Variants in SIRT6 observed in about 807,000 individuals in gnomAD.
SIRT6 encodes the protein NAD-dependent protein deacylase sirtuin-6.
In SIRT6, 21 loss-of-function variants were observed where a neutral mutation model predicts 33.6. The ratio of observed to expected loss-of-function variants is 0.62; its 90% confidence interval spans 0.44 to 0.90. SIRT6 has a LOEUF of 0.90. Among genes scored for constraint, SIRT6 ranks in the 40% least tolerant of loss-of-function variants. SIRT6 has a pLI of 0.00. For synonymous variants in SIRT6, 221 were observed against 223.9 expected, an observed-to-expected ratio of 0.99 and a Z score of 0.12; for missense variants, 504 against 510.6, an observed-to-expected ratio of 0.99 and a Z score of 0.12.
At position 4,174,860 on chromosome 19, in the gene SIRT6, G is replaced by A; in HGVS notation, c.825C>T (p.Ala275=). The A allele has an allele frequency of 6.2e-7, 1 of 1,600,260 alleles. No individual in the cohort carries two copies. Among genetic ancestry groups the A allele is most frequent in the Non-Finnish European group, 8.5e-7 (1 of 1,179,412 alleles). The change falls in exon 8 of 8, where the codon GCC becomes GCT. Residue 275 remains alanine, a synonymous_variant. Transcript: ENST00000337491. The surrounding 1 kb of genome is among the most constrained non-coding windows in gnomAD (Gnocchi z 4.2). ...TCTCCAGCACACGGGGGCCGTCCCA[G>A]GCGGGGATCTCCAGCCCCAGGTGCT... The part of the protein sequence containing the change: ...LMKHLGLEIP[A]WDGPRVLERA...
intron 1 of SIRT6, chr19:4,182,271 C>T: frequency 1.8e-6 from 1 of 557,508 alleles, no homozygotes; most frequent in East Asian, 3.3e-5. Context: ...CCCGATCAGC[C>T]CCGACAGGGT....
In SIRT6 at chr19:4,174,533, C is replaced by G. The variant is rs774914120; in HGVS notation, c.*84G>C. 3 of 1,272,220 alleles carry G rather than the reference C, an allele frequency of 2.4e-6. No homozygotes were observed. Among genetic ancestry groups the G allele is most frequent in the Non-Finnish European group, 3.1e-6 (3 of 965,466 alleles). 78.8% of individuals were successfully genotyped at this position (1,272,220 alleles called of 1,614,324 possible). ...CTCAGAGCCCTGAGGCTCCCGGGGACAGAAACAAGTAACAAAGTGAGACCA... is the reference window on the plus strand; with the variant it reads ...CTCAGAGCCCTGAGGCTCCCGGGGAGAGAAACAAGTAACAAAGTGAGACCA... On this transcript the variant is annotated 3_prime_UTR_variant, in exon 8 of 8. Coordinates refer to ENST00000337491, the MANE Select transcript of SIRT6 (RefSeq NM_016539.4). The surrounding 1 kb of genome is among the most constrained non-coding windows in gnomAD (Gnocchi z 4.2).
chr19:4,177,615 C>T (rs1268946587), intron 3 of SIRT6, among the ~76,000 whole-genome samples: 1 of 152,104 alleles, frequency 6.6e-6, no homozygotes, highest in African/African-American at 2.4e-5. Flanking sequence ...GGTTGGAGTG[C>T]AATGGTGCAA....
chr19:4,174,643 C>T lies in SIRT6; in HGVS notation c.1042G>A (p.Val348Met). The T allele has an allele frequency of 2.8e-6, 4 of 1,449,414 alleles. No homozygotes were observed. The highest frequency in any genetic ancestry group is 3.6e-6 in the Non-Finnish European group (4 of 1,098,238). The allele number at this position is 1,449,414 out of a possible 1,614,324, so 89.8% of individuals were successfully genotyped here. A position where few individuals can be genotyped will look rare whatever the true frequency, so the allele number is the denominator to read the frequency against. The change falls in exon 8 of 8, where the codon GTG becomes ATG. Residue 348 changes from valine (V) to methionine (M), a missense_variant. By Grantham distance (21) the Val-to-Met change is conservative. Transcript: ENST00000337491. This position sits in a 1 kb window ranked among gnomAD's most constrained non-coding sequence, Gnocchi z 4.2. ...CAGCTGGGGACCGCCTTGGCCTTCA[C>T]CCTTTTGGGGGGTCTGTGGGGGGCA... is the stretch of plus-strand genomic sequence containing the variant. ...SPAPHRPPKR[V>M]KAKAVPS
chr19:4,179,124 A>G lies in SIRT6; in HGVS notation c.357T>C (p.His119=), dbSNP rs201995761. Residue 119 remains histidine, a synonymous_variant, in exon 3 of 8, where the codon CAT becomes CAC. Transcript: ENST00000337491. ...GTTACCTGGGGAAGCCTGAGCGCAC[A>G]TGGAGCCCGTCCACGTTCTGGCTGA... ...FLVSQNVDGL[H]VRSGFPRDKL... 55 of 1,612,280 alleles carry G rather than the reference A, an allele frequency of 3.4e-5. No individual in the cohort carries two copies. In the East Asian group the frequency reaches 1.2e-3, roughly 35 times the overall value.
Position 4,179,209 on chromosome 19 carries a change from G to T in SIRT6, c.272C>A (p.Pro91His). 2.5e-6 allele frequency: 4 copies of T among 1,611,544 alleles called. No individual in the cohort carries two copies. Among genetic ancestry groups the T allele is most frequent in the Non-Finnish European group, 3.4e-6 (4 of 1,179,404 alleles). ...CACCAGCGCCATGTGGGTCTGCGTGGGCCGCGCGCTCTCAAAGGTGGTGTC... is the reference window on the plus strand; with the variant it reads ...CACCAGCGCCATGTGGGTCTGCGTGTGCCGCGCGCTCTCAAAGGTGGTGTC... ...KFDTTFESAR[P>H]TQTHMALVQL... The change falls in exon 3 of 8, where the codon CCC becomes CAC. Residue 91 changes from proline to histidine, a missense_variant. Coordinates refer to ENST00000337491, the MANE Select transcript of SIRT6 (RefSeq NM_016539.4).
chr19:4,180,664 GAC>G, intron 2 of SIRT6, 116 bp downstream of exon 2: 1 of 1,362,636 alleles, frequency 7.3e-7, no homozygotes, highest in South Asian at 1.4e-5. Context: ...GAGTACCCAG[GAC>G]ACATCCAGGA....
At chr19:4,182,420 G>A in intron 1 of SIRT6, 54 bp downstream of exon 1, 2 of 1,553,670 alleles carry the variant, frequency 1.3e-6, no homozygotes, top group Non-Finnish European at 1.7e-6. Flanking sequence ...CCATCCGGCC[G>A]CTCCCAGCCC....
chr19:4,175,700 T>C lies in SIRT6; in HGVS notation c.594A>G (p.Ala198=), dbSNP rs1967253396. Residue 198 remains alanine (A), a synonymous_variant, in exon 6 of 8, where the codon GCA becomes GCG. Transcript: ENST00000337491. ...CAGACCTGCTGGCCTCATCGGCGAG[T>C]GCCAGGTCCCGGTCGGGCAGGGAGT... The part of the protein sequence containing the change: ...WEDSLPDRDL[A]LADEASRNAD... The C allele has an allele frequency of 5.1e-6, 8 of 1,577,112 alleles. No individual in the cohort carries two copies. The highest frequency in any genetic ancestry group is 6.9e-6 in the Non-Finnish European group (8 of 1,161,552).
chr19:4,179,453 T>C (rs1399507669), intron 2 of SIRT6, 167 bp from the exon 3 acceptor site: 10 of 691,378 alleles, frequency 1.4e-5, no homozygotes, highest in African/African-American at 3.7e-5. Context: ...AGAGGGTGAG[T>C]TGCAAGAACA....
At chr19:4,180,266 G>A (rs934101121) in intron 2 of SIRT6, among the ~76,000 whole-genome samples, 3 of 151,924 alleles carry the variant, frequency 2.0e-5, no homozygotes, top group African/African-American at 7.3e-5. Flanking sequence ...CACCACACCT[G>A]GCTACGCTTG....
In SIRT6 at chr19:4,180,790, G is replaced by A. The variant is rs185880642; in HGVS notation, c.186C>T (p.Pro62=). 33 of 1,610,930 alleles carry A rather than the reference G, an allele frequency of 2.0e-5. No homozygotes were observed. Among genetic ancestry groups the A allele is most frequent in the Admixed American group, 1.7e-5 (1 of 59,638 alleles). ...GAGISTASGI[P]DFRGPHGVWT... is the part of the protein sequence containing the mutation. ...CCTGCACAATCACAGACCTGAAGTCGGGGATGCCAGAGGCAGTGCTGATGC... is the reference window on the plus strand; with the variant it reads ...CCTGCACAATCACAGACCTGAAGTCAGGGATGCCAGAGGCAGTGCTGATGC... Residue 62 remains proline (P), a synonymous_variant, in exon 2 of 8, where the codon CCC becomes CCT. Transcript: ENST00000337491.
At position 4,179,275 on chromosome 19, in the gene SIRT6, C is replaced by T. The variant is rs1353791377; in HGVS notation, c.206G>A (p.Gly69Glu). Residue 69 changes from glycine (G) to glutamate (E), a missense_variant, in exon 3 of 8, where the codon GGA becomes GAA. Transcript: ENST00000337491. ...SGIPDFRGPH[G>E]VWTMEERGLA... ...ACCTCGCTCCTCCATGGTCCAGACT[C>T]CGTGGGGACCCCTGAAGGTGGCAGG... 6.2e-7 allele frequency: 1 copy of T among 1,601,572 alleles called. No homozygotes were observed. The highest frequency in any genetic ancestry group is 1.1e-5 in the South Asian group (1 of 89,028).
chr19:4,177,331 T>C (rs576952680), intron 3 of SIRT6, among the ~76,000 whole-genome samples, 193 bp from the exon 4 acceptor site: 1 of 152,110 alleles, frequency 6.6e-6, no homozygotes, highest in African/African-American at 2.4e-5. Flanking sequence ...TCTGGGCAAG[T>C]GGACCAACCT....
Position 4,175,142 on chromosome 19 carries a change from G to A in SIRT6, c.624C>T (p.Asp208=). The A allele has an allele frequency of 3.7e-6, 6 of 1,602,030 alleles. No homozygotes were observed. Among genetic ancestry groups the A allele is most frequent in the Non-Finnish European group, 5.1e-6 (6 of 1,175,896 alleles). ...ALADEASRNA[D]LSITLGTSLQ... ...GCGATGTACCCAGCGTGATGGACAG[G>A]TCGGCGTTCCTGGGGCCGGGGAGCG... Residue 208 remains aspartate, a synonymous_variant, in exon 7 of 8, where the codon GAC becomes GAT. Transcript: ENST00000337491.
rs377462603 is a variant in SIRT6, at chr19:4,177,812, G to A, written c.378-674C>T. 6.8e-4 allele frequency among the ~76,000 whole-genome samples: 104 copies of A among 152,158 alleles called. 1 individual carries two copies. Among genetic ancestry groups the A allele is most frequent in the East Asian group, 6.8e-3 (35 of 5,160 alleles). On this transcript the variant is annotated intron_variant, in intron 3 of 7. Coordinates refer to ENST00000337491, the MANE Select transcript of SIRT6 (RefSeq NM_016539.4). ...TCACCGTGTTAGCCAGGATGGTCTCGATCTCCTGAGCTTGTGATCCACCCG... is the reference window on the plus strand; with the variant it reads ...TCACCGTGTTAGCCAGGATGGTCTCAATCTCCTGAGCTTGTGATCCACCCG...
intron 1 of SIRT6, 61 bp downstream of exon 1, chr19:4,182,413 T>C: frequency 6.5e-7 from 1 of 1,529,598 alleles, no homozygotes; most frequent in Non-Finnish European, 8.9e-7. Context: ...CCCCCTGCCA[T>C]CCGGCCGCTC....
intron 2 of SIRT6, 67 bp from the exon 3 acceptor site, chr19:4,179,353 C>A: frequency 1.4e-6 from 2 of 1,474,650 alleles, no homozygotes; most frequent in South Asian, 1.3e-5. Context: ...GAGGGAGAAT[C>A]AGAGAGGTAT....
rs763732184 is a variant in SIRT6, at chr19:4,180,771, C to T, written c.194+11G>A. ...AGGCCTTGCCTCGACTTCCCCTGCA[C>T]AATCACAGACCTGAAGTCGGGGATG... is the stretch of plus-strand genomic sequence containing the variant. On this transcript the variant is annotated intron_variant, in intron 2 of 7. Transcript: ENST00000337491. The T allele has an allele frequency of 6.2e-7, 1 of 1,603,066 alleles. No individual in the cohort carries two copies. The highest frequency in any genetic ancestry group is 8.5e-7 in the Non-Finnish European group (1 of 1,173,720).
Sources: allele counts gnomAD v4.1 joint callset (sites outside exome capture counted in the v4.1 genomes callset), GRCh38; gene constraint gnomAD v4.1.1; non-coding constraint Gnocchi (gnomAD v3.1); transcripts MANE v1.5; gene names NCBI Gene and HGNC (gene_info 2026-07-23, HGNC 2026-07-21).